Variants in C10orf67 observed in about 807,000 individuals in gnomAD.
The protein encoded by C10orf67 is uncharacterized protein C10orf67, mitochondrial.
A neutral mutation model predicts 35.6 loss-of-function variants in C10orf67; 60 were observed. That is an observed-to-expected ratio of 1.68 (90% confidence interval 1.37 to 2.09). The LOEUF is 2.09. Ranked by LOEUF, C10orf67 falls within the 30% of genes most tolerant of loss-of-function variation. The pLI is 0.00. For missense variants in C10orf67, 474 were observed against 330.2 expected, an observed-to-expected ratio of 1.44 and a Z score of -3.38; for synonymous variants, 167 against 115.8, an observed-to-expected ratio of 1.44 and a Z score of -2.84.
chr10:23,319,755 CA>C (rs1431880621), intron 4 of C10orf67, among the ~76,000 whole-genome samples: 1 of 152,126 alleles, frequency 6.6e-6, no homozygotes, highest in Non-Finnish European at 1.5e-5. Context: ...TGAGAAAGAA[CA>C]ACCTCCTCCA....
intron 13 of C10orf67, 53 bp downstream of exon 13, chr10:23,239,676 C>T: frequency 1.6e-6 from 1 of 607,222 alleles, no homozygotes; most frequent in Non-Finnish European, 3.2e-6. Flanking sequence ...CAGAAAGAAA[C>T]AGACAGGTAT....
Position 23,231,924 on chromosome 10 carries a change from T to C in C10orf67, c.1434+7805A>G, listed in dbSNP as rs193180486. On this transcript the variant is annotated intron_variant, in intron 13 of 15. Transcript: ENST00000636213. ...AATGTGTGCATTTTTCATTTACTTA[T>C]TTTTTATTTCTAGAAAGCTTAAAAA... 6.2e-4 allele frequency among the ~76,000 whole-genome samples: 94 copies of C among 152,246 alleles called. 2 individuals carry two copies. In the East Asian group the frequency reaches 0.014, roughly 22 times the overall value.
At chr10:23,249,796 T>C (rs995059857) in intron 12 of C10orf67, among the ~76,000 whole-genome samples, 1 of 152,146 alleles carries the variant, frequency 6.6e-6, no homozygotes, top group African/African-American at 2.4e-5. Context: ...GAAAGAATAT[T>C]GCAAAAGAAC....
chr10:23,342,146 AGAGT>A (rs973912131), intron 1 of C10orf67, among the ~76,000 whole-genome samples: 12 of 152,024 alleles, frequency 7.9e-5, no homozygotes, highest in African/African-American at 2.9e-4. Flanking sequence ...CCTGGGTGAC[AGAGT>A]GAGACCCTGA....
chr10:23,234,254 C>T (rs1564464698), intron 13 of C10orf67, among the ~76,000 whole-genome samples: 1 of 152,122 alleles, frequency 6.6e-6, no homozygotes. Context: ...TTCACAATAG[C>T]AAAGACATGG....
At chr10:23,247,029 C>T (rs1233623711) in intron 12 of C10orf67, among the ~76,000 whole-genome samples, 1 of 151,948 alleles carries the variant, frequency 6.6e-6, no homozygotes, top group Admixed American at 6.6e-5. Flanking sequence ...GTGTTTAAAG[C>T]TGTGTTATTA....
At chr10:23,329,633 C>G (rs1845353411) in intron 2 of C10orf67, among the ~76,000 whole-genome samples, 1 of 151,538 alleles carries the variant, frequency 6.6e-6, no homozygotes, top group Admixed American at 6.6e-5. Context: ...GACTCTATCT[C>G]TACCAAAAAT....
intron 13 of C10orf67, among the ~76,000 whole-genome samples, chr10:23,231,232 G>C (rs1427138775): frequency 6.6e-6 from 1 of 152,160 alleles, no homozygotes; most frequent in East Asian, 1.9e-4. Flanking sequence ...TTCTCAGTCT[G>C]TCTTGCAATT....
Position 23,344,483 on chromosome 10 carries a change from AC to A in C10orf67, c.206+85del, listed in dbSNP as rs1175021234. 1.0e-5 allele frequency: 13 copies of A among 1,256,656 alleles called. 1 individual carries two copies. In the South Asian group the frequency reaches 1.0e-4, roughly 10 times the overall value. The allele number at this position is 1,256,656 out of a possible 1,614,324, so 77.8% of individuals were successfully genotyped here. A position where few individuals can be genotyped will look rare whatever the true frequency, so the allele number is the denominator to read the frequency against. ...CTGCGATACCCCAGAGGAAAGCTGCACCCCCGTAAATAACCCTTCAGCCTCC... is the reference window on the plus strand; with the variant it reads ...CTGCGATACCCCAGAGGAAAGCTGCACCCCGTAAATAACCCTTCAGCCTCC... On this transcript the variant is annotated intron_variant, in intron 1 of 15. Coordinates refer to ENST00000636213, the MANE Select transcript of C10orf67 (RefSeq NM_001371909.1).
At chr10:23,293,577 C>A (rs1014008609) in intron 5 of C10orf67, among the ~76,000 whole-genome samples, 5 of 152,174 alleles carry the variant, frequency 3.3e-5, no homozygotes, top group South Asian at 2.1e-4. Flanking sequence ...GGATGGAGAT[C>A]ATTAAAGGCA....
chr10:23,237,215 C>T (rs1436750352), intron 13 of C10orf67, among the ~76,000 whole-genome samples: 3 of 152,114 alleles, frequency 2.0e-5, no homozygotes, highest in African/African-American at 4.8e-5. Context: ...GACATGATCT[C>T]GTTCTTTTTT....
In C10orf67 at chr10:23,274,432, C is replaced by A. The variant is rs144391814; in HGVS notation, c.976-7178G>T. The stretch of plus-strand genomic sequence containing the variant: ...CACTCCCAGAGCGGCCGTCTATAGA[C>A]CTACCCCTGGGAATGCATTCCTTTC... On this transcript the variant is annotated intron_variant, in intron 8 of 15. Transcript: ENST00000636213. 9.9e-5 allele frequency among the ~76,000 whole-genome samples: 15 copies of A among 152,200 alleles called. No individual in the cohort carries two copies. The East Asian group carries it at 2.9e-3, about 29-fold the overall frequency.
chr10:23,247,104 G>C (rs928693190), intron 12 of C10orf67, among the ~76,000 whole-genome samples: 2 of 152,098 alleles, frequency 1.3e-5, no homozygotes, highest in African/African-American at 4.8e-5. Context: ...AGTAAACTAA[G>C]GCTAATTTGT....
At chr10:23,223,976 C>T (rs1455509639) in intron 13 of C10orf67, among the ~76,000 whole-genome samples, 158 bp from the exon 14 acceptor site, 1 of 152,166 alleles carries the variant, frequency 6.6e-6, no homozygotes, top group Non-Finnish European at 1.5e-5. Flanking sequence ...TTTCTTCATT[C>T]CAATGGGATA....
intron 4 of C10orf67, among the ~76,000 whole-genome samples, chr10:23,315,003 C>G (rs1251113718): frequency 6.6e-6 from 1 of 152,150 alleles, no homozygotes; most frequent in Non-Finnish European, 1.5e-5. Flanking sequence ...ACTTGTCAAT[C>G]TACAAAAAGT....
chr10:23,233,677 C>CTAGAAGGAAGAGGGGAATA (rs1462924054), intron 13 of C10orf67, among the ~76,000 whole-genome samples: 2 of 152,014 alleles, frequency 1.3e-5, no homozygotes, highest in African/African-American at 4.8e-5. Flanking sequence ...TTAACAAAGA[C>CTAGAAGGAAGAGGGGAATA]TAGAAGGAAG....
At chr10:23,256,840 G>A (rs748961225) in intron 10 of C10orf67, among the ~76,000 whole-genome samples, 1 of 152,180 alleles carries the variant, frequency 6.6e-6, no homozygotes, top group Non-Finnish European at 1.5e-5. Flanking sequence ...CCTAGCATGT[G>A]AAAGTCTTAA....
At position 23,303,401 on chromosome 10, in the gene C10orf67, GT is replaced by G; in HGVS notation, c.604del (p.Thr202GlnfsTer5). ...TTTCAGTTTTCTTAACAAAATATTT[GT>G]TTTGACAGTACTCGCATCTTGCAAA... ...VSLQDASTVK[T>X]NILLRKLKEK... On this transcript the variant is annotated frameshift_variant, in exon 5 of 16. Transcript: ENST00000636213. LOFTEE classifies it high-confidence loss of function. 1.6e-6 allele frequency: 1 copy of G among 641,398 alleles called. No homozygotes were observed. Among genetic ancestry groups the G allele is most frequent in the Non-Finnish European group, 2.8e-6 (1 of 352,948 alleles). The allele number at this position is 641,398 out of a possible 1,614,324, so 39.7% of individuals were successfully genotyped here. A position where few individuals can be genotyped will look rare whatever the true frequency, so the allele number is the denominator to read the frequency against.
At chr10:23,285,865 T>A (rs924338318) in intron 7 of C10orf67, among the ~76,000 whole-genome samples, 2 of 152,238 alleles carry the variant, frequency 1.3e-5, no homozygotes, top group African/African-American at 4.8e-5. Flanking sequence ...AAGTGCTCAA[T>A]AGCCACATGT....
Sources: gnomAD v4.1 joint callset for allele counts (sites outside exome capture counted in the v4.1 genomes callset) on GRCh38, gnomAD v4.1.1 for gene constraint, MANE v1.5 for transcripts, NCBI Gene and HGNC (gene_info 2026-07-23, HGNC 2026-07-21) for gene names.